Variants in CMC1 observed in about 807,000 individuals in gnomAD.
CMC1 encodes COX assembly mitochondrial protein homolog.
CMC1 carries 14 observed loss-of-function variants against 14.1 expected under a neutral mutation model. That is an observed-to-expected ratio of 0.99 (90% CI 0.66 to 1.55). The LOEUF is 1.55. Among genes scored for constraint, CMC1 ranks in the 40% most tolerant of loss-of-function variants. CMC1 has a pLI of 0.00. For missense variants in CMC1, 127 were observed against 123.8 expected (o/e 1.03, Z -0.12); for synonymous variants, 50 against 38.4 (o/e 1.30, Z -1.12).
Position 28,263,329 on chromosome 3 carries a change from C to T in CMC1, c.58C>T (p.Pro20Ser). 6.2e-7 allele frequency: 1 copy of T among 1,607,552 alleles called. No homozygotes were observed. The highest frequency in any genetic ancestry group is 8.5e-7 in the Non-Finnish European group (1 of 1,177,416). The stretch of plus-strand genomic sequence containing the variant: ...ACATGTCGAAAAAGATGTTTTGATC[C>T]CTAAAATAATGAGAGAAAAGGCCAA... ...LRHVEKDVLI[P>S]KIMREKAKER... The change falls in exon 2 of 4, where the codon CCT (proline) becomes TCT (serine). Residue 20 changes from proline (P) to serine (S), a missense_variant. Coordinates refer to ENST00000466830, the MANE Select transcript of CMC1 (RefSeq NM_182523.2).
At chr3:28,262,780 T>C (rs1699798643) in intron 1 of CMC1, among the ~76,000 whole-genome samples, 1 of 152,150 alleles carries the variant, frequency 6.6e-6, no homozygotes, top group Non-Finnish European at 1.5e-5. Flanking sequence ...GTTGTGGAAG[T>C]TGTGTTTAAA....
Position 28,319,569 on chromosome 3 carries a change from A to T in CMC1, c.261A>T (p.Glu87Asp), listed in dbSNP as rs768579769. ...TGGAATACCTGAAGGAAAGGGAAGA[A>T]TTCAGAAAAACTGGAATTCCTACAA... ...CKMEYLKERE[E>D]FRKTGIPTKK... is the part of the protein sequence containing the mutation. The change falls in exon 4 of 4, where the codon GAA becomes GAT. Residue 87 changes from glutamate (E) to aspartate (D), a missense_variant. Coordinates refer to ENST00000466830, the MANE Select transcript of CMC1 (RefSeq NM_182523.2). The T allele has an allele frequency of 1.2e-6, 2 of 1,609,420 alleles. No homozygotes were observed. Among genetic ancestry groups the T allele is most frequent in the East Asian group, 4.5e-5 (2 of 44,746 alleles).
intron 2 of CMC1, among the ~76,000 whole-genome samples, chr3:28,270,920 C>CTTTTTTTTTTTTTT (rs71087680): frequency 1.2e-5 from 1 of 83,738 alleles, no homozygotes; most frequent in African/African-American, 5.1e-5. Context: ...GAGTTAATTT[C>CTTTTTTTTTTTTTT]TTTTTTTTTT....
chr3:28,242,035 C>A (rs552482103), intron 1 of CMC1: 1 of 419,680 alleles, frequency 2.4e-6, no homozygotes, highest in Non-Finnish European at 4.1e-6. Flanking sequence ...TCTAAAGTAT[C>A]ATCCATTGTG....
intron 1 of CMC1, among the ~76,000 whole-genome samples, chr3:28,245,073 T>C (rs1204602988): frequency 6.6e-6 from 1 of 152,018 alleles, no homozygotes; most frequent in Non-Finnish European, 1.5e-5. Context: ...AGTAAGTGAA[T>C]AATAGATACA....
At chr3:28,303,600 T>G (rs1332564443) in intron 2 of CMC1, among the ~76,000 whole-genome samples, 1 of 152,130 alleles carries the variant, frequency 6.6e-6, no homozygotes, top group Admixed American at 6.5e-5. Context: ...AATTTTGATC[T>G]TTGTCAAAGA....
chr3:28,273,729 G>A (rs968312892), intron 2 of CMC1, among the ~76,000 whole-genome samples: 2 of 152,082 alleles, frequency 1.3e-5, no homozygotes, highest in African/African-American at 2.4e-5. Context: ...TATTGTGTGG[G>A]AGTCTAAGTC....
Position 28,321,861 on chromosome 3 carries a change from T to C in CMC1, c.*2232T>C, listed in dbSNP as rs755998037. 1.3e-5 allele frequency: 2 copies of C among 151,414 alleles called. No homozygotes were observed. Among genetic ancestry groups the C allele is most frequent in the Non-Finnish European group, 3.0e-5 (2 of 67,544 alleles). The allele number at this position is 151,414 out of a possible 1,614,324, so 9.4% of individuals were successfully genotyped here. A position where few individuals can be genotyped will look rare whatever the true frequency, so the allele number is the denominator to read the frequency against. On this transcript the variant is annotated 3_prime_UTR_variant, in exon 4 of 4. Transcript: ENST00000466830. The stretch of plus-strand genomic sequence containing the variant: ...GCAAGAGGAAGGAATAGGTGGCTTT[T>C]TGTTATGTTTTCTTCATTCTGTCGA...
chr3:28,316,362 G>A lies in CMC1; in HGVS notation c.139G>A (p.Val47Ile), dbSNP rs1458746023. The stretch of plus-strand genomic sequence containing the variant: ...TACCAAATGTTGCAAGAACTCTGGA[G>A]TTCTTATGGTAGTAAAATGCCGGAA... ...DFTKCCKNSG[V>I]LMVVKCRKEN... is the part of the protein sequence containing the mutation. The change falls in exon 3 of 4, where the codon GTT (valine) becomes ATT (isoleucine). Residue 47 changes from valine to isoleucine, a missense_variant. Physicochemically the swap from Val to Ile is conservative, Grantham distance 29. Coordinates refer to ENST00000466830, the MANE Select transcript of CMC1 (RefSeq NM_182523.2). 1.3e-6 allele frequency: 2 copies of A among 1,586,198 alleles called. No individual in the cohort carries two copies. Among genetic ancestry groups the A allele is most frequent in the South Asian group, 1.2e-5 (1 of 85,908 alleles).
In CMC1 at chr3:28,245,097, AT is replaced by A. The variant is rs150208097; in HGVS notation, c.19+3288del. ...ATAATAGATACACCAATTGAGGTTCATTTAGCAAAATCTGTTTTCCTATTGG... is the reference window on the plus strand; with the variant it reads ...ATAATAGATACACCAATTGAGGTTCATTAGCAAAATCTGTTTTCCTATTGG... On this transcript the variant is annotated intron_variant, in intron 1 of 3. Coordinates refer to ENST00000466830, the MANE Select transcript of CMC1 (RefSeq NM_182523.2). Among the ~76,000 whole-genome samples the A allele has an allele frequency of 9.1e-3, 1,382 of 152,148 alleles. 19 individuals are homozygous for A. The highest frequency in any genetic ancestry group is 0.031 in the African/African-American group (1,300 of 41,498).
At chr3:28,270,920 C>CT (rs71087680) in intron 2 of CMC1, among the ~76,000 whole-genome samples, 12,236 of 83,904 alleles carry the variant, frequency 0.15, 1,585 homozygotes, top group African/African-American at 0.24. Flanking sequence ...GAGTTAATTT[C>CT]TTTTTTTTTT....
chr3:28,278,106 A>T (rs1250641715), intron 2 of CMC1, among the ~76,000 whole-genome samples: 1 of 152,154 alleles, frequency 6.6e-6, no homozygotes, highest in Non-Finnish European at 1.5e-5. Context: ...CTGACAGATG[A>T]TGGTGGACTG....
intron 3 of CMC1, chr3:28,317,029 G>C (rs957760757): frequency 6.6e-6 from 1 of 152,032 alleles, no homozygotes; most frequent in Non-Finnish European, 1.5e-5. Flanking sequence ...ATTATTGACA[G>C]ATAAGATTGC....
chr3:28,306,676 C>T (rs1702330425), intron 2 of CMC1, among the ~76,000 whole-genome samples: 1 of 147,920 alleles, frequency 6.8e-6, no homozygotes, highest in African/African-American at 2.5e-5. Flanking sequence ...CAGAGTCTTG[C>T]TCTTGTCACC....
intron 1 of CMC1, among the ~76,000 whole-genome samples, chr3:28,249,003 G>A (rs1401546978): frequency 6.6e-6 from 1 of 152,172 alleles, no homozygotes; most frequent in East Asian, 1.9e-4. Flanking sequence ...TGTTAGCCAG[G>A]ATGGTCTCGA....
At chr3:28,296,397 G>A (rs1335303563) in intron 2 of CMC1, among the ~76,000 whole-genome samples, 4 of 151,988 alleles carry the variant, frequency 2.6e-5, no homozygotes, top group Non-Finnish European at 5.9e-5. Context: ...GCTGCTGCTT[G>A]AATTTACTTT....
At chr3:28,300,002 A>G (rs1275044252) in intron 2 of CMC1, among the ~76,000 whole-genome samples, 1 of 152,198 alleles carries the variant, frequency 6.6e-6, no homozygotes, top group East Asian at 1.9e-4. Context: ...TGCAGCTAGA[A>G]CTGAAAGCAT....
At chr3:28,302,631 C>T (rs1414951120) in intron 2 of CMC1, among the ~76,000 whole-genome samples, 1 of 152,040 alleles carries the variant, frequency 6.6e-6, no homozygotes, top group African/African-American at 2.4e-5. Context: ...TGTGTAAAAT[C>T]CTTATTTTAA....
chr3:28,291,465 ATATAT>A (rs1701466962), intron 2 of CMC1, among the ~76,000 whole-genome samples: 1 of 151,720 alleles, frequency 6.6e-6, no homozygotes, highest in African/African-American at 2.4e-5. Context: ...TATGTTTCTA[ATATAT>A]TTATTAGCAC....
Sources: gnomAD v4.1 joint callset for allele counts (sites outside exome capture counted in the v4.1 genomes callset) on GRCh38, gnomAD v4.1.1 for gene constraint, MANE v1.5 for transcripts, NCBI Gene and HGNC (gene_info 2026-07-23, HGNC 2026-07-21) for gene names.